TSPAN18: variants seen among roughly 807,000 people sequenced by gnomAD.
The protein encoded by TSPAN18 is tetraspanin 18.
TSPAN18 carries 14 observed loss-of-function variants against 27.3 expected under a neutral mutation model. The ratio of observed to expected loss-of-function variants is 0.51; its 90% CI spans 0.34 to 0.80. The LOEUF (loss-of-function observed/expected upper bound fraction) is 0.80, where lower values mean the gene tolerates loss of function less well. Among genes scored for constraint, TSPAN18 ranks in the 30% least tolerant of loss-of-function variants. TSPAN18 has a pLI of 0.01. For synonymous variants in TSPAN18, 143 were observed against 136.5 expected (o/e 1.05, Z -0.33); for missense variants, 268 against 323.9 (o/e 0.83, Z 1.32).
intron 2 of TSPAN18, among the ~76,000 whole-genome samples, chr11:44,772,877 C>T (rs1368479848): frequency 2.6e-5 from 4 of 151,652 alleles, no homozygotes; most frequent in African/African-American, 7.3e-5. Flanking sequence ...AGGCTGGTCT[C>T]GAACTTCTGA....
At chr11:44,854,899 C>A (rs542465861) in intron 2 of TSPAN18, among the ~76,000 whole-genome samples, 44 of 152,274 alleles carry the variant, frequency 2.9e-4, no homozygotes, top group African/African-American at 9.6e-4. Flanking sequence ...AATTAGGAAT[C>A]GGAGACAATT....
chr11:44,748,129 C>G (rs1009234354), intron 1 of TSPAN18, among the ~76,000 whole-genome samples: 1 of 152,126 alleles, frequency 6.6e-6, no homozygotes, highest in African/African-American at 2.4e-5. Flanking sequence ...ATTTTCTGGC[C>G]GGGCATGGTG....
At position 44,918,056 on chromosome 11, in the gene TSPAN18, A is replaced by T. The variant is rs1859979023; in HGVS notation, c.333+10A>T. ...CATCTTCAGGGAAAATGTACGTATC[A>T]GGCCCCAAGCTTTCCTGCCTCCTGC... On this transcript the variant is annotated intron_variant, in intron 6 of 9. Transcript: ENST00000520358. 1.2e-6 allele frequency: 2 copies of T among 1,613,642 alleles called. No individual in the cohort carries two copies. The highest frequency in any genetic ancestry group is 1.3e-5 in the African/African-American group (1 of 74,920).
chr11:44,820,754 T>C (rs1856911075), intron 2 of TSPAN18, among the ~76,000 whole-genome samples: 2 of 152,112 alleles, frequency 1.3e-5, no homozygotes, highest in Middle Eastern at 3.4e-3. Flanking sequence ...GGATCCTTTA[T>C]GTCATGAATG....
intron 3 of TSPAN18, among the ~76,000 whole-genome samples, chr11:44,862,381 C>T (rs147457273): frequency 6.6e-6 from 1 of 152,360 alleles, no homozygotes; most frequent in East Asian, 1.9e-4. Context: ...TTTTGGTCAA[C>T]CACAAACCTC....
chr11:44,909,668 C>A (rs202244144), intron 4 of TSPAN18, 37 bp from the exon 5 acceptor site: 4 of 1,587,192 alleles, frequency 2.5e-6, no homozygotes, highest in African/African-American at 2.7e-5. Flanking sequence ...CCCTTTCTGC[C>A]TGTTTCTCCT....
intron 2 of TSPAN18, among the ~76,000 whole-genome samples, chr11:44,818,677 G>A (rs756152317): frequency 1.6e-4 from 25 of 152,184 alleles, no homozygotes; most frequent in Non-Finnish European, 2.9e-4. Context: ...ATGTCTGACT[G>A]TTATCCTTGC....
intron 5 of TSPAN18, 84 bp downstream of exon 5, chr11:44,909,983 T>C: frequency 6.8e-7 from 1 of 1,475,652 alleles, no homozygotes; most frequent in Non-Finnish European, 9.1e-7. Flanking sequence ...CCTGCCTGGC[T>C]TCCATTCAGA....
At chr11:44,867,761 C>T (rs1858080152) in intron 3 of TSPAN18, among the ~76,000 whole-genome samples, 1 of 152,040 alleles carries the variant, frequency 6.6e-6, no homozygotes, top group South Asian at 2.1e-4. Context: ...AGAGTAGATT[C>T]CAGCAGAGGG....
intron 1 of TSPAN18, among the ~76,000 whole-genome samples, chr11:44,752,434 C>T (rs188985754): frequency 1.3e-5 from 2 of 152,178 alleles, no homozygotes; most frequent in Admixed American, 1.3e-4. Context: ...CAGGCTGAAG[C>T]GCAGTGACTC....
chr11:44,859,299 G>A lies in TSPAN18; in HGVS notation c.-152-1029G>A, dbSNP rs1025591886. On this transcript the variant is annotated intron_variant, in intron 2 of 9. Coordinates refer to ENST00000520358, the MANE Select transcript of TSPAN18 (RefSeq NM_130783.5). ...CCAAGTCTGGTGTTCCAGGTCCCCT[G>A]ACATGCTCATGCACTATCCTCTGCG... Among the ~76,000 whole-genome samples the A allele has an allele frequency of 2.0e-5, 3 of 152,184 alleles. No individual in the cohort carries two copies. The South Asian group carries it at 6.2e-4, about 32-fold the overall frequency.
intron 2 of TSPAN18, among the ~76,000 whole-genome samples, chr11:44,808,212 C>T (rs1265786574): frequency 1.3e-5 from 2 of 152,180 alleles, no homozygotes; most frequent in South Asian, 4.1e-4. Flanking sequence ...GATGAAGGCA[C>T]TCAGGCTCAG....
intron 2 of TSPAN18, among the ~76,000 whole-genome samples, chr11:44,817,515 C>A (rs905631591): frequency 1.3e-5 from 2 of 152,198 alleles, no homozygotes; most frequent in African/African-American, 2.4e-5. Flanking sequence ...GTTTATGCTG[C>A]GACTTAGGCT....
chr11:44,879,449 G>A (rs1469067004), intron 3 of TSPAN18, among the ~76,000 whole-genome samples: 7 of 152,190 alleles, frequency 4.6e-5, no homozygotes, highest in Non-Finnish European at 1.0e-4. Context: ...GTGATGGAGC[G>A]CGTGGGGTTT....
intron 3 of TSPAN18, among the ~76,000 whole-genome samples, chr11:44,873,904 C>T (rs1858260302): frequency 6.6e-6 from 1 of 152,172 alleles, no homozygotes; most frequent in Non-Finnish European, 1.5e-5. Context: ...CCTCAGGGGG[C>T]TTATATGATC....
chr11:44,790,065 G>A (rs1306618722), intron 2 of TSPAN18, among the ~76,000 whole-genome samples: 4 of 152,200 alleles, frequency 2.6e-5, no homozygotes, highest in Admixed American at 6.5e-5. Context: ...GACATCATGG[G>A]CTTACTGCCC....
At chr11:44,891,960 G>A (rs370606423) in intron 3 of TSPAN18, among the ~76,000 whole-genome samples, 1 of 152,180 alleles carries the variant, frequency 6.6e-6, no homozygotes, top group Non-Finnish European at 1.5e-5. Flanking sequence ...GTTGGTTGGA[G>A]GAAGCTTGTT....
At chr11:44,790,153 ATGTGTGTGTGTGCATG>A in intron 2 of TSPAN18, among the ~76,000 whole-genome samples, 1 of 132,226 alleles carries the variant, frequency 7.6e-6, no homozygotes, top group South Asian at 2.4e-4. Context: ...GCGTGTGTGC[ATGTGTGTGTGTGCATG>A]TGTGTGTGTG....
chr11:44,800,423 T>C (rs1387967647), intron 2 of TSPAN18, among the ~76,000 whole-genome samples: 1 of 152,184 alleles, frequency 6.6e-6, no homozygotes, highest in Non-Finnish European at 1.5e-5. Flanking sequence ...CAGCTCAGTG[T>C]CAGGACTAAA....
Sources: allele counts gnomAD v4.1 joint callset (sites outside exome capture counted in the v4.1 genomes callset), GRCh38; gene constraint gnomAD v4.1.1; transcripts MANE v1.5; gene names NCBI Gene and HGNC (gene_info 2026-07-23, HGNC 2026-07-21).